The following UBE2O variants were observed in gnomAD, a reference collection of about 807,000 sequenced individuals.
UBE2O encodes ubiquitin conjugating enzyme E2 O.
Under a neutral mutation model 125.8 loss-of-function variants are expected in UBE2O, and 15 were observed. The observed-to-expected ratio is 0.12, with a 90% CI of 0.08 to 0.18. UBE2O has a LOEUF of 0.18. Among genes scored for constraint, UBE2O ranks in the 10% least tolerant of loss-of-function variants. The pLI, the probability that UBE2O is intolerant of heterozygous loss-of-function variation, is 1.00. For synonymous variants in UBE2O, 708 were observed against 703.2 expected, an observed-to-expected ratio of 1.01 and a Z score of -0.11; for missense variants, 1,280 against 1,723.6, an observed-to-expected ratio of 0.74 and a Z score of 4.56.
rs1464341702 is a variant in UBE2O, at chr17:76,404,362, G to C, written c.588+844C>G. ...TGAACCAGGGCAGAGCTCTGCGGCGGGCCTGCCAAGAACACGTGGGCATGA... is the reference window on the plus strand; with the variant it reads ...TGAACCAGGGCAGAGCTCTGCGGCGCGCCTGCCAAGAACACGTGGGCATGA... On this transcript the variant is annotated intron_variant, in intron 3 of 17. Transcript: ENST00000319380. This position sits in a 1 kb window ranked among gnomAD's most constrained non-coding sequence, Gnocchi z 4.3. 2.0e-5 allele frequency among the ~76,000 whole-genome samples: 3 copies of C among 152,194 alleles called. No homozygotes were observed. Among genetic ancestry groups the C allele is most frequent in the African/African-American group, 7.2e-5 (3 of 41,452 alleles).
At chr17:76,423,507 C>A (rs1319419612) in intron 1 of UBE2O, among the ~76,000 whole-genome samples, 4 of 152,052 alleles carry the variant, frequency 2.6e-5, no homozygotes, top group African/African-American at 7.2e-5. Context: ...TCCTGGCTAA[C>A]ATGGTGAAAC....
At position 76,390,786 on chromosome 17, in the gene UBE2O, T is replaced by TTC; in HGVS notation, c.*155_*156dup. 1 of 690,016 alleles carries TTC rather than the reference T, an allele frequency of 1.4e-6. No individual in the cohort carries two copies. 42.7% of individuals were successfully genotyped at this position (690,016 alleles called of 1,614,324 possible). ...TAGAAACGGCAGCATCTCAACACACTTCTTGCACTTCAGCATCAAACTCAC... is the reference window on the plus strand; with the variant it reads ...TAGAAACGGCAGCATCTCAACACACTTCTCTTGCACTTCAGCATCAAACTCAC... On this transcript the variant is annotated 3_prime_UTR_variant, in exon 18 of 18. Transcript: ENST00000319380.
chr17:76,390,662 GT>G lies in UBE2O; in HGVS notation c.*280del. ...CTGAGAAGGGGCAGCAAGGGAGCAA[GT>G]GCCGGACATTCTGCTGGGGTGACAA... On this transcript the variant is annotated 3_prime_UTR_variant, in exon 18 of 18. Transcript: ENST00000319380. The G allele has an allele frequency of 2.9e-6, 1 of 347,164 alleles. No homozygotes were observed. The highest frequency in any genetic ancestry group is 4.7e-5 in the South Asian group (1 of 21,092). 21.5% of individuals were successfully genotyped at this position (347,164 alleles called of 1,614,324 possible).
At chr17:76,418,939 A>C (rs1408949540) in intron 1 of UBE2O, among the ~76,000 whole-genome samples, 3 of 152,054 alleles carry the variant, frequency 2.0e-5, no homozygotes, top group African/African-American at 4.8e-5. Flanking sequence ...CCATTGAATA[A>C]ATTTCTGGGT....
rs1228769998 is a variant in UBE2O, at chr17:76,402,047, T to C, written c.750+17A>G. Reference sequence around the variant, plus strand: ...GAGCAATCAGAGAAGGGTGCTGGCCTGGATGGAGCACACTACCGAGTCGCT... The same window carrying C: ...GAGCAATCAGAGAAGGGTGCTGGCCCGGATGGAGCACACTACCGAGTCGCT... On this transcript the variant is annotated intron_variant, in intron 5 of 17. Transcript: ENST00000319380. The surrounding 1 kb of genome is among the most constrained non-coding windows in gnomAD (Gnocchi z 5.4). The C allele has an allele frequency of 8.1e-6, 13 of 1,613,240 alleles. No homozygotes were observed. In the East Asian group the frequency reaches 2.9e-4, roughly 36 times the overall value.
intron 15 of UBE2O, among the ~76,000 whole-genome samples, chr17:76,393,094 A>G (rs2072143456): frequency 6.6e-6 from 1 of 151,614 alleles, no homozygotes; most frequent in Non-Finnish European, 1.5e-5. Flanking sequence ...CCCTATCTCT[A>G]CAAAAAATAA....
At chr17:76,394,080 G>T (rs946764558) in intron 15 of UBE2O, among the ~76,000 whole-genome samples, 1 of 152,206 alleles carries the variant, frequency 6.6e-6, no homozygotes, top group African/African-American at 2.4e-5. Context: ...GCGTTATTAA[G>T]AATCTCAAGC....
rs1307128784 is a variant in UBE2O, at chr17:76,395,590, T to C, written c.2946+135A>G. The stretch of plus-strand genomic sequence containing the variant: ...ACCTGACTGAGCCTGTGACCGCCCC[T>C]GTAAAAGGTGGGTGGGTGAGTGTCC... On this transcript the variant is annotated intron_variant, in intron 15 of 17. Coordinates refer to ENST00000319380, the MANE Select transcript of UBE2O (RefSeq NM_022066.4). This position sits in a 1 kb window ranked among gnomAD's most constrained non-coding sequence, Gnocchi z 5.0. The C allele has an allele frequency of 3.8e-6, 4 of 1,064,256 alleles. No homozygotes were observed. The highest frequency in any genetic ancestry group is 5.4e-6 in the Non-Finnish European group (4 of 739,412). 65.9% of individuals were successfully genotyped at this position (1,064,256 alleles called of 1,614,324 possible).
At chr17:76,442,105 G>A (rs1025422870) in intron 1 of UBE2O, among the ~76,000 whole-genome samples, 4 of 152,174 alleles carry the variant, frequency 2.6e-5, no homozygotes, top group Non-Finnish European at 4.4e-5. Flanking sequence ...CAGGGGAAAT[G>A]CAGCCAGAAG....
intron 1 of UBE2O, among the ~76,000 whole-genome samples, chr17:76,434,553 G>A (rs548189059): frequency 6.6e-6 from 1 of 152,198 alleles, no homozygotes; most frequent in East Asian, 1.9e-4. Context: ...ATGAATTAGG[G>A]TGACTCCTCG....
intron 1 of UBE2O, among the ~76,000 whole-genome samples, chr17:76,417,613 A>T (rs1385856815): frequency 3.3e-5 from 5 of 152,208 alleles, no homozygotes; most frequent in Admixed American, 2.6e-4. Context: ...AGGCCAAATG[A>T]GAGTGCACTG....
At position 76,391,340 on chromosome 17, in the gene UBE2O, C is replaced by T. The variant is rs543549596; in HGVS notation, c.3482G>A (p.Gly1161Glu). 14 of 1,613,122 alleles carry T rather than the reference C, an allele frequency of 8.7e-6. No homozygotes were observed. The highest frequency in any genetic ancestry group is 1.1e-5 in the Non-Finnish European group (13 of 1,180,004). ...LLEKAQALPN[G>E]VPKASSSPEP... ...TGGCGAGCTGCTGGCCTTGGGCACCCCGTTGGGCAGTGCCTGGGCCTTCTC... is the reference window on the plus strand; with the variant it reads ...TGGCGAGCTGCTGGCCTTGGGCACCTCGTTGGGCAGTGCCTGGGCCTTCTC... The change falls in exon 18 of 18, where the codon GGG becomes GAG. Residue 1161 changes from glycine to glutamate, a missense_variant. Transcript: ENST00000319380. This position sits in a 1 kb window ranked among gnomAD's most constrained non-coding sequence, Gnocchi z 8.4.
chr17:76,443,522 C>T (rs1425085940), intron 1 of UBE2O, among the ~76,000 whole-genome samples: 1 of 152,088 alleles, frequency 6.6e-6, no homozygotes, highest in Non-Finnish European at 1.5e-5. Context: ...CTCCTGACCT[C>T]AAGTGATCCA....
At chr17:76,446,191 C>A (rs1479188443) in intron 1 of UBE2O, among the ~76,000 whole-genome samples, 5 of 152,210 alleles carry the variant, frequency 3.3e-5, no homozygotes, top group Non-Finnish European at 7.3e-5. Flanking sequence ...GAGCACAGAT[C>A]ATATCCTCCT....
chr17:76,391,838 T>C lies in UBE2O; in HGVS notation c.3151-25A>G. ...CCTGAAACACACAGGGCACCATCAATTCTGTTCCCCAGGCCCCTATCCACC... is the reference window on the plus strand; with the variant it reads ...CCTGAAACACACAGGGCACCATCAACTCTGTTCCCCAGGCCCCTATCCACC... On this transcript the variant is annotated intron_variant, in intron 16 of 17. Transcript: ENST00000319380. The surrounding 1 kb of genome is among the most constrained non-coding windows in gnomAD (Gnocchi z 8.4). The C allele has an allele frequency of 6.2e-7, 1 of 1,614,014 alleles. No individual in the cohort carries two copies. Among genetic ancestry groups the C allele is most frequent in the Non-Finnish European group, 8.5e-7 (1 of 1,179,988 alleles).
At position 76,395,954 on chromosome 17, in the gene UBE2O, T is replaced by G; in HGVS notation, c.2810-93A>C. 1 of 1,569,782 alleles carries G rather than the reference T, an allele frequency of 6.4e-7. No individual in the cohort carries two copies. The highest frequency in any genetic ancestry group is 8.7e-7 in the Non-Finnish European group (1 of 1,152,130). ...TGGACAGGTGAGCACACCCACAGAC[T>G]TCCCACTCGCCGCTGCTGGCCTCAG... On this transcript the variant is annotated intron_variant, in intron 14 of 17. Transcript: ENST00000319380. The surrounding 1 kb of genome is among the most constrained non-coding windows in gnomAD (Gnocchi z 5.0).
intron 1 of UBE2O, among the ~76,000 whole-genome samples, chr17:76,421,397 C>T (rs925943088): frequency 2.0e-5 from 3 of 146,852 alleles, no homozygotes; most frequent in Admixed American, 6.9e-5. Context: ...GACGGAGTTT[C>T]GCTCTTGTTG....
At position 76,398,795 on chromosome 17, in the gene UBE2O, T is replaced by C. The variant is rs763319665; in HGVS notation, c.1783+42A>G. The C allele has an allele frequency of 5.0e-6, 8 of 1,602,082 alleles. No individual in the cohort carries two copies. The South Asian group carries it at 8.9e-5, about 18-fold the overall frequency. ...CACAAGCCCCAACCCGGGCCCTCAT[T>C]GGCGACCACCCTGCTGGCTGCCCTT... On this transcript the variant is annotated intron_variant, in intron 10 of 17. Coordinates refer to ENST00000319380, the MANE Select transcript of UBE2O (RefSeq NM_022066.4). The surrounding 1 kb of genome is among the most constrained non-coding windows in gnomAD (Gnocchi z 5.4).
intron 15 of UBE2O, 54 bp from the exon 16 acceptor site, chr17:76,392,167 T>G: frequency 8.5e-7 from 1 of 1,179,312 alleles, no homozygotes; most frequent in African/African-American, 1.5e-5. Flanking sequence ...GAAGGGGGTG[T>G]CCTACATGTG....
Sources: allele counts gnomAD v4.1 joint callset (sites outside exome capture counted in the v4.1 genomes callset), GRCh38; gene constraint gnomAD v4.1.1; non-coding constraint Gnocchi (gnomAD v3.1); transcripts MANE v1.5; gene names NCBI Gene and HGNC (gene_info 2026-07-23, HGNC 2026-07-21).